ROBO2: variants seen among roughly 807,000 people sequenced by gnomAD.
ROBO2 encodes roundabout homolog 2.
Under a neutral mutation model 160.8 loss-of-function variants are expected in ROBO2, and 53 were observed. The ratio of observed to expected loss-of-function variants is 0.33; its 90% confidence interval spans 0.26 to 0.41. The LOEUF is 0.41. Among genes scored for constraint, ROBO2 ranks in the 10% least tolerant of loss-of-function variants. The pLI, the probability that ROBO2 is intolerant of heterozygous loss-of-function variation, is 1.00. For synonymous variants in ROBO2, 664 were observed against 611.7 expected (o/e 1.09, Z -1.26); for missense variants, 1,577 against 1,722.4 (o/e 0.92, Z 1.49).
chr3:76,041,577 CAATG>C (rs1335608723), intron 2 of ROBO2, among the ~76,000 whole-genome samples: 1 of 151,992 alleles, frequency 6.6e-6, no homozygotes, highest in African/African-American at 2.4e-5. Context: ...ATTGGAATAT[CAATG>C]AATGTCTTTT....
chr3:76,939,772 A>C (rs73104445), intron 2 of ROBO2, among the ~76,000 whole-genome samples: 27,173 of 152,062 alleles, frequency 0.18, 3,070 homozygotes, highest in Admixed American at 0.27. Flanking sequence ...CCACGGAGCA[A>C]GATTCTATCT....
intron 2 of ROBO2, among the ~76,000 whole-genome samples, chr3:77,239,718 C>T (rs1167951778): frequency 6.6e-6 from 1 of 152,064 alleles, no homozygotes; most frequent in African/African-American, 2.4e-5. Flanking sequence ...TTCTCCAAGT[C>T]CCCACTAGAT....
chr3:76,996,577 C>T (rs2061022118), intron 2 of ROBO2, among the ~76,000 whole-genome samples: 1 of 151,648 alleles, frequency 6.6e-6, no homozygotes, highest in African/African-American at 2.4e-5. Context: ...ATTCTTCCTA[C>T]CCCTGAGCAT....
At chr3:76,730,258 CTCCTCACCTCCTACTCCCTACCCGCTTG>C (rs1560458980) in intron 2 of ROBO2, among the ~76,000 whole-genome samples, 691 of 28,960 alleles carry the variant, frequency 0.024, 25 homozygotes, top group Non-Finnish European at 0.034. Context: ...CTACCCGCTT[CTCCTCACCTCCTACTCCCTACCCGCTTG>C]TCCTCACCTC....
intron 2 of ROBO2, among the ~76,000 whole-genome samples, chr3:77,324,828 C>G (rs1298065787): frequency 6.7e-6 from 1 of 148,886 alleles, no homozygotes; most frequent in East Asian, 2.0e-4. Context: ...ACAGGGATAG[C>G]AAAAATGAAT....
chr3:77,458,926 T>C (rs2081968515), intron 2 of ROBO2, among the ~76,000 whole-genome samples: 1 of 152,190 alleles, frequency 6.6e-6, no homozygotes, highest in Non-Finnish European at 1.5e-5. Context: ...CTAGATGAAC[T>C]TGACATCTTG....
intron 12 of ROBO2, among the ~76,000 whole-genome samples, chr3:77,566,485 A>G (rs2093484394): frequency 6.6e-6 from 1 of 152,118 alleles, no homozygotes; most frequent in African/African-American, 2.4e-5. Context: ...GAAAATGTGT[A>G]CAATTTTACG....
chr3:76,508,975 G>A (rs372237562), intron 2 of ROBO2, among the ~76,000 whole-genome samples: 1 of 152,086 alleles, frequency 6.6e-6, no homozygotes, highest in Non-Finnish European at 1.5e-5. Context: ...TGCATATGTA[G>A]ATATGTGAAT....
intron 2 of ROBO2, among the ~76,000 whole-genome samples, chr3:76,963,543 A>G (rs945036339): frequency 5.9e-5 from 9 of 152,148 alleles, no homozygotes; most frequent in African/African-American, 1.9e-4. Flanking sequence ...CAGATATTTC[A>G]CAGAAAATTT....
intron 2 of ROBO2, among the ~76,000 whole-genome samples, chr3:76,052,371 A>G (rs1161253629): frequency 1.3e-5 from 2 of 152,194 alleles, no homozygotes; most frequent in East Asian, 3.9e-4. Context: ...AATAAAGTTA[A>G]TTGGTGAAAC....
chr3:76,135,421 A>G (rs936631209), intron 2 of ROBO2, among the ~76,000 whole-genome samples: 1 of 152,052 alleles, frequency 6.6e-6, no homozygotes, highest in African/African-American at 2.4e-5. Context: ...GTTGAGGATG[A>G]TATTTATGTA....
At chr3:77,649,224 G>T (rs2095432831) in exon 26 of ROBO2, 1 of 152,146 alleles carries the variant, frequency 6.6e-6, no homozygotes, top group Admixed American at 6.5e-5. Flanking sequence ...TAAAACCATT[G>T]CAAGTTTACT....
chr3:76,122,699 A>G (rs1186628611), intron 2 of ROBO2, among the ~76,000 whole-genome samples: 4 of 152,080 alleles, frequency 2.6e-5, no homozygotes, highest in African/African-American at 9.7e-5. Flanking sequence ...CTTTTCACAG[A>G]TACACAGACT....
At chr3:77,511,734 A>G (rs1363133647) in intron 5 of ROBO2, among the ~76,000 whole-genome samples, 1 of 151,960 alleles carries the variant, frequency 6.6e-6, no homozygotes, top group Non-Finnish European at 1.5e-5. Context: ...AATTAAGACA[A>G]GATAAGGATG....
At chr3:77,183,161 A>G (rs1336014380) in intron 2 of ROBO2, among the ~76,000 whole-genome samples, 3 of 152,014 alleles carry the variant, frequency 2.0e-5, no homozygotes, top group Non-Finnish European at 2.9e-5. Context: ...AAAAAATTGT[A>G]TTTGTTCTAG....
At chr3:76,805,043 C>T (rs1292362776) in intron 2 of ROBO2, among the ~76,000 whole-genome samples, 1 of 152,028 alleles carries the variant, frequency 6.6e-6, no homozygotes, top group South Asian at 2.1e-4. Context: ...GCATTTTGAG[C>T]GTCAGAAATG....
chr3:76,256,609 G>A (rs1405545578), intron 2 of ROBO2, among the ~76,000 whole-genome samples: 1 of 151,940 alleles, frequency 6.6e-6, no homozygotes, highest in East Asian at 1.9e-4. Context: ...TACTAGGGAG[G>A]CTGAGGTGGG....
chr3:76,791,518 A>T (rs1049012732), intron 2 of ROBO2, among the ~76,000 whole-genome samples: 3 of 146,360 alleles, frequency 2.0e-5, no homozygotes, highest in South Asian at 2.2e-4. Context: ...TGTTTCACAC[A>T]CTCTCTCTCT....
intron 2 of ROBO2, among the ~76,000 whole-genome samples, chr3:76,287,137 T>A (rs975919428): frequency 7.2e-5 from 11 of 152,152 alleles, no homozygotes; most frequent in Non-Finnish European, 1.6e-4. Flanking sequence ...TCCTGACTGA[T>A]AAGAGGAATG....
Sources: gnomAD v4.1 joint callset for allele counts (sites outside exome capture counted in the v4.1 genomes callset) on GRCh38, gnomAD v4.1.1 for gene constraint, MANE v1.5 for transcripts, NCBI Gene and HGNC (gene_info 2026-07-23, HGNC 2026-07-21) for gene names.